DAB2IP: variants seen among roughly 807,000 people sequenced by gnomAD.
DAB2IP encodes disabled homolog 2-interacting protein.
A neutral mutation model predicts 107.2 loss-of-function variants in DAB2IP; 28 were observed. The ratio of observed to expected loss-of-function variants is 0.26; its 90% CI spans 0.19 to 0.36. DAB2IP has a LOEUF of 0.36. DAB2IP is among the 10% of genes least tolerant of loss of function. The probability of loss-of-function intolerance (pLI) is 1.00; values close to 1 mark genes in which losing one functional copy is unlikely to be tolerated. For missense variants in DAB2IP, 1,400 were observed against 1,644.7 expected (o/e 0.85, Z 2.57); for synonymous variants, 755 against 706.4 (o/e 1.07, Z -1.09).
chr9:121,739,285 A>G (rs1211027142), intron 3 of DAB2IP, among the ~76,000 whole-genome samples: 1 of 152,204 alleles, frequency 6.6e-6, no homozygotes, highest in Non-Finnish European at 1.5e-5. Flanking sequence ...TGAGCAGGAA[A>G]CAGAGACTTT....
intron 1 of DAB2IP, among the ~76,000 whole-genome samples, chr9:121,585,847 T>C (rs57351010): frequency 1.3e-5 from 2 of 148,964 alleles, no homozygotes; most frequent in African/African-American, 2.5e-5. Context: ...GTTAGGGATT[T>C]AAAAAAAAAA....
rs1834660427 is a variant in DAB2IP at position 121,770,726 on chromosome 9, T to C, written c.2078+2T>C. The stretch of plus-strand genomic sequence containing the variant: ...GGTGATTGAGAACGATCTTTCCGGG[T>C]AAGAGCTGCCAGCCATGTTGGGTGT... On this transcript the variant is annotated splice_donor_variant, in intron 11 of 15. Transcript: ENST00000408936. LOFTEE classifies it high-confidence loss of function. The C allele has an allele frequency of 1.2e-6, 2 of 1,613,526 alleles. No individual in the cohort carries two copies. The highest frequency in any genetic ancestry group is 1.7e-5 in the Admixed American group (1 of 59,994).
intron 1 of DAB2IP, among the ~76,000 whole-genome samples, chr9:121,640,021 C>A (rs918807097): frequency 6.6e-6 from 1 of 152,224 alleles, no homozygotes; most frequent in Non-Finnish European, 1.5e-5. Context: ...TGGGCATCCC[C>A]TTCCTTGCAT....
intron 2 of DAB2IP, among the ~76,000 whole-genome samples, chr9:121,685,004 C>A (rs909557383): frequency 6.6e-6 from 1 of 152,210 alleles, no homozygotes; most frequent in Admixed American, 6.5e-5. Flanking sequence ...GGGGTCCCAC[C>A]ATGGGCGCCC....
At chr9:121,598,460 G>A (rs1043189200) in intron 1 of DAB2IP, 2 of 152,240 alleles carry the variant, frequency 1.3e-5, no homozygotes, top group African/African-American at 4.8e-5. Context: ...GCACCGCGCT[G>A]GCCCCACAGG....
intron 1 of DAB2IP, among the ~76,000 whole-genome samples, chr9:121,584,830 C>T (rs1238629851): frequency 6.6e-6 from 1 of 152,176 alleles, no homozygotes. Flanking sequence ...GCTGCCAAAG[C>T]CATTCAAAAC....
intron 1 of DAB2IP, among the ~76,000 whole-genome samples, chr9:121,641,936 T>TC (rs1832320192): frequency 1.6e-5 from 2 of 127,130 alleles, no homozygotes; most frequent in African/African-American, 7.1e-5. Flanking sequence ...TTTCTTTCTT[T>TC]CTCTCTTTCT....
At chr9:121,766,510 T>G (rs182562255) in exon 9 of DAB2IP, 1 of 1,607,786 alleles carries the variant, frequency 6.2e-7, no homozygotes, top group African/African-American at 1.3e-5. Flanking sequence ...CCCACGGGAG[T>G]TGAAAGAGGT....
At chr9:121,750,639 C>T (rs1414846613) in intron 3 of DAB2IP, among the ~76,000 whole-genome samples, 3 of 152,178 alleles carry the variant, frequency 2.0e-5, no homozygotes, top group Non-Finnish European at 4.4e-5. Context: ...TATTTTCCGA[C>T]CAAACAATCC....
intron 3 of DAB2IP, among the ~76,000 whole-genome samples, chr9:121,721,077 C>T (rs1470272573): frequency 6.6e-6 from 1 of 152,212 alleles, no homozygotes; most frequent in East Asian, 1.9e-4. Context: ...CTGGGGATCA[C>T]TGTCCATGGG....
intron 1 of DAB2IP, among the ~76,000 whole-genome samples, chr9:121,593,621 TATTA>T (rs1470690760): frequency 6.6e-6 from 1 of 150,722 alleles, no homozygotes; most frequent in Non-Finnish European, 1.5e-5. Context: ...TTTCTTTCTT[TATTA>T]GTTTTATTTT....
Position 121,715,016 on chromosome 9 carries a change from T to G in DAB2IP, c.362+15558T>G, listed in dbSNP as rs547798433. Among the ~76,000 whole-genome samples, 21 of 152,352 alleles carry G rather than the reference T, an allele frequency of 1.4e-4. No individual in the cohort carries two copies. The East Asian group carries it at 4.0e-3, about 29-fold the overall frequency. ...CGAGGAAACCAGGACTGAAGGTGGTTAAGAGACTTGCCAGAGGTCATAGAA... is the reference window on the plus strand; with the variant it reads ...CGAGGAAACCAGGACTGAAGGTGGTGAAGAGACTTGCCAGAGGTCATAGAA... On this transcript the variant is annotated intron_variant, in intron 3 of 15. Transcript: ENST00000408936.
intron 1 of DAB2IP, among the ~76,000 whole-genome samples, chr9:121,588,776 A>T (rs374591033): frequency 2.0e-5 from 3 of 151,684 alleles, no homozygotes. Flanking sequence ...AACTTTTATG[A>T]CCCTGGGTTG....
intron 1 of DAB2IP, among the ~76,000 whole-genome samples, chr9:121,584,252 A>C (rs1364881473): frequency 3.9e-5 from 6 of 152,226 alleles, no homozygotes; most frequent in Non-Finnish European, 8.8e-5. Context: ...TCAAAATAAT[A>C]ATCATAATAA....
intron 14 of DAB2IP, among the ~76,000 whole-genome samples, chr9:121,780,499 A>C (rs1222293891): frequency 6.6e-6 from 1 of 152,184 alleles, no homozygotes; most frequent in Non-Finnish European, 1.5e-5. Flanking sequence ...TCTAGGCTGG[A>C]GGAATCAAGA....
intron 3 of DAB2IP, among the ~76,000 whole-genome samples, chr9:121,752,327 G>T (rs1257897403): frequency 2.0e-5 from 3 of 151,904 alleles, no homozygotes; most frequent in Non-Finnish European, 4.4e-5. Context: ...TATCCCCACT[G>T]ACCTCCCGTT....
In DAB2IP at chr9:121,595,090, T is replaced by C. The variant is rs7030701; in HGVS notation, c.40+27862T>C. Among the ~76,000 whole-genome samples, 678 of 152,218 alleles carry C rather than the reference T, an allele frequency of 4.5e-3. 7 individuals are homozygous for C. Among genetic ancestry groups the C allele is most frequent in the African/African-American group, 0.016 (645 of 41,522 alleles). ...TGAAGATTGCAGACTGGGCTATTCA[T>C]GTTCTTAAGATTTACTGAGCACTTC... On this transcript the variant is annotated intron_variant, in intron 1 of 16. Transcript: ENST00000259371.
In DAB2IP at chr9:121,628,304, C is replaced by A. The variant is rs985988509; in HGVS notation, c.41-50374C>A. Reference sequence around the variant, plus strand: ...GCAGACTGGATTAGGTGGGCCCCCCCCATCCTAGTGATCCTGAGGCAGATG... The same window carrying A: ...GCAGACTGGATTAGGTGGGCCCCCCACATCCTAGTGATCCTGAGGCAGATG... On this transcript the variant is annotated intron_variant, in intron 1 of 16. Transcript: ENST00000259371. Among the ~76,000 whole-genome samples, 39 of 152,312 alleles carry A rather than the reference C, an allele frequency of 2.6e-4. 1 individual carries two copies. The highest frequency in any genetic ancestry group is 1.2e-3 in the East Asian group (6 of 5,188).
chr9:121,569,789 C>G (rs139999522), intron 1 of DAB2IP, among the ~76,000 whole-genome samples: 5 of 152,332 alleles, frequency 3.3e-5, no homozygotes, highest in African/African-American at 1.2e-4. Flanking sequence ...CTGCTGCACT[C>G]CAGCCTGGGC....
Sources: allele counts gnomAD v4.1 joint callset (sites outside exome capture counted in the v4.1 genomes callset), GRCh38; gene constraint gnomAD v4.1.1; transcripts MANE v1.5; gene names NCBI Gene and HGNC (gene_info 2026-07-23, HGNC 2026-07-21).